KHDRBS2: variants seen among roughly 807,000 people sequenced by gnomAD.
KHDRBS2 encodes KH domain-containing, RNA-binding, signal transduction-associated protein 2.
Under a neutral mutation model 44.3 loss-of-function variants are expected in KHDRBS2, and 26 were observed. The ratio of observed to expected loss-of-function variants is 0.59; its 90% confidence interval spans 0.43 to 0.81. The LOEUF is 0.81. KHDRBS2 is among the 40% of genes least tolerant of loss of function. The probability of loss-of-function intolerance (pLI) is 0.00; values close to 1 mark genes in which losing one functional copy is unlikely to be tolerated. For synonymous variants in KHDRBS2, 194 were observed against 151.1 expected (o/e 1.28, Z -2.08); for missense variants, 476 against 433.1 (o/e 1.10, Z -0.88).
Position 61,680,221 on chromosome 6 carries a change from A to G in KHDRBS2, c.*742T>C. On this transcript the variant is annotated 3_prime_UTR_variant, in exon 9 of 9. Transcript: ENST00000281156. ...AAGCAGGCATTTAAAGCTAGAAAACAAGTAATTCCAAATTTAATTTTTACA... is the reference window on the plus strand; with the variant it reads ...AAGCAGGCATTTAAAGCTAGAAAACGAGTAATTCCAAATTTAATTTTTACA... The G allele has an allele frequency of 6.6e-6, 1 of 152,392 alleles. No individual in the cohort carries two copies. The highest frequency in any genetic ancestry group is 2.4e-5 in the African/African-American group (1 of 41,442). The allele number at this position is 152,392 out of a possible 1,614,324, so 9.4% of individuals were successfully genotyped here.
intron 3 of KHDRBS2, among the ~76,000 whole-genome samples, chr6:61,988,394 C>CA (rs1433884297): frequency 1.3e-5 from 2 of 152,168 alleles, no homozygotes; most frequent in Non-Finnish European, 2.9e-5. Context: ...TTTCATGGAA[C>CA]AGGGCAATAT....
At chr6:61,799,424 A>C (rs967256009) in intron 6 of KHDRBS2, among the ~76,000 whole-genome samples, 1 of 151,962 alleles carries the variant, frequency 6.6e-6, no homozygotes, top group African/African-American at 2.4e-5. Context: ...AATAATGTAT[A>C]TCTGAAATAA....
chr6:61,691,286 A>G (rs1767367747), intron 8 of KHDRBS2, among the ~76,000 whole-genome samples: 2 of 152,082 alleles, frequency 1.3e-5, no homozygotes, highest in South Asian at 2.1e-4. Context: ...GCTCTTTTTC[A>G]TTGTTTCTTG....
chr6:61,762,434 C>A (rs1779405624), intron 6 of KHDRBS2, among the ~76,000 whole-genome samples: 1 of 152,152 alleles, frequency 6.6e-6, no homozygotes, highest in Non-Finnish European at 1.5e-5. Flanking sequence ...GTGTTTGAGT[C>A]ATGGGGGCAG....
chr6:61,636,056 T>A, the KHDRBS2 span, among the ~76,000 whole-genome samples: 1 of 152,080 alleles, frequency 6.6e-6, no homozygotes, highest in Non-Finnish European at 1.5e-5. Flanking sequence ...GGGAAATACA[T>A]ATTCCACAAT....
At chr6:61,932,742 G>A (rs1180120106) in intron 4 of KHDRBS2, among the ~76,000 whole-genome samples, 2 of 152,062 alleles carry the variant, frequency 1.3e-5, no homozygotes, top group East Asian at 1.9e-4. Flanking sequence ...GCAGTGAGCC[G>A]AGATCAGGCC....
intron 3 of KHDRBS2, among the ~76,000 whole-genome samples, chr6:62,021,915 G>GT (rs1239305705): frequency 1.0e-5 from 1 of 99,522 alleles, no homozygotes; most frequent in Non-Finnish European, 2.2e-5. Flanking sequence ...GTGAAAAAAG[G>GT]TTTTTTGTGT....
the KHDRBS2 span, among the ~76,000 whole-genome samples, chr6:61,610,200 T>A: frequency 4.4e-5 from 3 of 68,152 alleles, no homozygotes; most frequent in African/African-American, 1.5e-4. Flanking sequence ...AAAAAAAAAA[T>A]TGAAAACAAA....
intron 6 of KHDRBS2, among the ~76,000 whole-genome samples, chr6:61,754,041 A>G (rs563816719): frequency 6.6e-6 from 1 of 152,256 alleles, no homozygotes; most frequent in African/African-American, 2.4e-5. Flanking sequence ...GATCCTCCAG[A>G]GGGAACAAGT....
intron 6 of KHDRBS2, among the ~76,000 whole-genome samples, chr6:61,830,318 A>T (rs936189979): frequency 6.6e-6 from 1 of 152,172 alleles, no homozygotes; most frequent in Non-Finnish European, 1.5e-5. Flanking sequence ...TTCAAGAATG[A>T]TAAATTGACA....
At chr6:61,618,711 A>C in the KHDRBS2 span, among the ~76,000 whole-genome samples, 1 of 152,180 alleles carries the variant, frequency 6.6e-6, no homozygotes, top group Non-Finnish European at 1.5e-5. Context: ...CTTCTAAGTG[A>C]GAACATGCAG....
chr6:62,099,695 C>T (rs1365007293), intron 2 of KHDRBS2, among the ~76,000 whole-genome samples: 1 of 152,118 alleles, frequency 6.6e-6, no homozygotes, highest in Non-Finnish European at 1.5e-5. Context: ...TGTCTCTTTT[C>T]ATGCTTGCTT....
intron 2 of KHDRBS2, among the ~76,000 whole-genome samples, chr6:62,053,003 TAA>T (rs1789418909): frequency 6.6e-6 from 1 of 151,926 alleles, no homozygotes; most frequent in African/African-American, 2.4e-5. Flanking sequence ...CCACAAAACC[TAA>T]AAAAATAATG....
chr6:61,564,284 G>A, the KHDRBS2 span, among the ~76,000 whole-genome samples: 2 of 152,134 alleles, frequency 1.3e-5, no homozygotes, highest in South Asian at 4.1e-4. Context: ...GGTAGTAGAA[G>A]GTAATGTTTC....
chr6:62,119,140 C>G (rs1274755253), intron 2 of KHDRBS2, among the ~76,000 whole-genome samples: 1 of 151,920 alleles, frequency 6.6e-6, no homozygotes, highest in Non-Finnish European at 1.5e-5. Context: ...ATGATTGGAC[C>G]CCAAAATGCT....
In KHDRBS2 at chr6:62,255,836, C is replaced by A. The variant is rs566239609; in HGVS notation, c.91+30022G>T. Among the ~76,000 whole-genome samples, 3 of 151,856 alleles carry A rather than the reference C, an allele frequency of 2.0e-5. No homozygotes were observed. In the South Asian group the frequency reaches 6.2e-4, roughly 31 times the overall value. On this transcript the variant is annotated intron_variant, in intron 1 of 8. Transcript: ENST00000281156. ...AACTATATTGACACAAATTTTCTTACAAACTCAAAACAAGGCCAGTTGTGG... is the reference window on the plus strand; with the variant it reads ...AACTATATTGACACAAATTTTCTTAAAAACTCAAAACAAGGCCAGTTGTGG...
At chr6:62,268,969 C>T (rs1839647376) in intron 1 of KHDRBS2, among the ~76,000 whole-genome samples, 1 of 151,984 alleles carries the variant, frequency 6.6e-6, no homozygotes, top group African/African-American at 2.4e-5. Context: ...ATTGTATTTA[C>T]ACTGTATTTT....
intron 2 of KHDRBS2, among the ~76,000 whole-genome samples, chr6:62,168,124 G>T (rs1819087139): frequency 1.3e-5 from 2 of 152,060 alleles, no homozygotes; most frequent in African/African-American, 4.8e-5. Flanking sequence ...AACACATTTT[G>T]GAACTTCAGT....
intron 7 of KHDRBS2, among the ~76,000 whole-genome samples, chr6:61,706,648 A>G (rs1476453494): frequency 6.6e-6 from 1 of 151,808 alleles, no homozygotes; most frequent in East Asian, 1.9e-4. Context: ...TTCAATAAGT[A>G]TTTAGAGTAC....
Sources: allele counts gnomAD v4.1 joint callset (sites outside exome capture counted in the v4.1 genomes callset), GRCh38; gene constraint gnomAD v4.1.1; transcripts MANE v1.5; gene names NCBI Gene and HGNC (gene_info 2026-07-23, HGNC 2026-07-21).